The following UTP18 variants were observed in gnomAD, a reference collection of about 807,000 sequenced individuals.
The protein encoded by UTP18 is U3 small nucleolar RNA-associated protein 18 homolog.
In UTP18, 36 loss-of-function variants were observed where a neutral mutation model predicts 61.1. The observed-to-expected ratio is 0.59, with a 90% CI of 0.45 to 0.78. UTP18 has a LOEUF of 0.78. Among genes scored for constraint, UTP18 ranks in the 30% least tolerant of loss-of-function variants. The pLI, the probability that UTP18 is intolerant of heterozygous loss-of-function variation, is 0.00. For missense variants in UTP18, 753 were observed against 693.9 expected, an observed-to-expected ratio of 1.09 and a Z score of -0.96; for synonymous variants, 282 against 251.1, an observed-to-expected ratio of 1.12 and a Z score of -1.16.
At chr17:51,282,931 C>T (rs1201629171) in intron 9 of UTP18, among the ~76,000 whole-genome samples, 7 of 141,154 alleles carry the variant, frequency 5.0e-5, no homozygotes, top group African/African-American at 7.8e-5. Context: ...TGCAGTGGCA[C>T]GATCTCGGCT....
intron 11 of UTP18, among the ~76,000 whole-genome samples, chr17:51,291,623 T>C (rs1367200543): frequency 6.6e-6 from 1 of 151,666 alleles, no homozygotes; most frequent in Non-Finnish European, 1.5e-5. Context: ...TAATCCCAGC[T>C]ACTCAGGAGG....
chr17:51,280,326 C>A (rs1411184496), intron 8 of UTP18, 63 bp from the exon 9 acceptor site: 3 of 1,559,638 alleles, frequency 1.9e-6, no homozygotes, highest in Admixed American at 3.5e-5. Context: ...TGTTTTTACT[C>A]TACATTGTGT....
intron 9 of UTP18, among the ~76,000 whole-genome samples, chr17:51,282,961 C>G (rs1378657662): frequency 6.7e-6 from 1 of 149,654 alleles, no homozygotes; most frequent in South Asian, 2.1e-4. Context: ...CTCTGCCTCC[C>G]AAGTTCTAGC....
At chr17:51,261,077 G>A in intron 1 of UTP18, 151 bp downstream of exon 1, 1 of 666,690 alleles carries the variant, frequency 1.5e-6, no homozygotes, top group East Asian at 3.8e-5. Flanking sequence ...GAGGGTCGCA[G>A]CTGCGGGTCC....
In UTP18 at chr17:51,296,789, C is replaced by G. The variant is rs1018564465; in HGVS notation, c.1647-176C>G. The stretch of plus-strand genomic sequence containing the variant: ...TACTCATGTTACCTAAAATCTGAGG[C>G]GTTCAGATCCTCCAGAATGTCAGAT... On this transcript the variant is annotated intron_variant, in intron 12 of 13. Transcript: ENST00000225298. The G allele has an allele frequency of 7.3e-6, 4 of 548,866 alleles. No individual in the cohort carries two copies. In the African/African-American group the frequency reaches 7.9e-5, roughly 11 times the overall value. 34.0% of individuals were successfully genotyped at this position (548,866 alleles called of 1,614,324 possible).
chr17:51,286,985 C>CA (rs913386052), intron 10 of UTP18, among the ~76,000 whole-genome samples: 15 of 148,572 alleles, frequency 1.0e-4, no homozygotes, highest in African/African-American at 3.8e-4. Flanking sequence ...CCTTCCCCCC[C>CA]CGACCCACAG....
At position 51,268,007 on chromosome 17, in the gene UTP18, G is replaced by GTTTTTTTTTTTTTTTTTTT. The variant is rs766635231; in HGVS notation, c.555-824_555-823insTTTTTTTTTTTTTTTTTTT. ...ACCAGTTGTTGTTTTTTTGTTTTTT[G>GTTTTTTTTTTTTTTTTTTT]TTTTTTGTTTTTTTTTTTTTGAGAT... On this transcript the variant is annotated intron_variant, in intron 3 of 13. Coordinates refer to ENST00000225298, the MANE Select transcript of UTP18 (RefSeq NM_016001.3). Among the ~76,000 whole-genome samples the GTTTTTTTTTTTTTTTTTTT allele has an allele frequency of 5.4e-5, 7 of 130,578 alleles. 1 individual carries two copies. Among genetic ancestry groups the GTTTTTTTTTTTTTTTTTTT allele is most frequent in the African/African-American group, 1.8e-4 (6 of 33,022 alleles). The allele number at this position is 130,578 out of a possible 152,430, so 85.7% of individuals were successfully genotyped here. A position where few individuals can be genotyped will look rare whatever the true frequency, so the allele number is the denominator to read the frequency against.
intron 4 of UTP18, among the ~76,000 whole-genome samples, chr17:51,272,193 G>T (rs1381133589): frequency 6.6e-6 from 1 of 151,412 alleles, no homozygotes; most frequent in African/African-American, 2.4e-5. Context: ...CTGCCTCCTG[G>T]GTTCAAGTGA....
At chr17:51,269,359 A>G (rs898451691) in intron 4 of UTP18, among the ~76,000 whole-genome samples, 3 of 148,956 alleles carry the variant, frequency 2.0e-5, no homozygotes, top group African/African-American at 4.9e-5. Context: ...TGTAGGTTTT[A>G]AATTTAACTT....
chr17:51,280,539 C>T (rs1283171056), intron 9 of UTP18, 60 bp downstream of exon 9: 8 of 1,539,660 alleles, frequency 5.2e-6, no homozygotes, highest in Admixed American at 1.7e-5. Flanking sequence ...TTAGGCCAGG[C>T]GCGGTGGCTC....
In UTP18 at chr17:51,277,307, A is replaced by T. The variant is rs187135670; in HGVS notation, c.1012+3A>T. The T allele has an allele frequency of 6.2e-7, 1 of 1,613,716 alleles. No homozygotes were observed. The highest frequency in any genetic ancestry group is 2.2e-5 in the East Asian group (1 of 44,872). ...AATTCCTGTGCATCAAGTGAGAGGT[A>T]AGATTTCTGTTGAATGCACACAACC... On this transcript the variant is annotated splice_donor_region_variant and intron_variant, in intron 7 of 13. Coordinates refer to ENST00000225298, the MANE Select transcript of UTP18 (RefSeq NM_016001.3).
intron 7 of UTP18, among the ~76,000 whole-genome samples, chr17:51,279,506 G>GTTT (rs113252326): frequency 6.7e-6 from 1 of 149,080 alleles, no homozygotes; most frequent in Non-Finnish European, 1.5e-5. Context: ...TTTGTTTTTT[G>GTTT]TTTTTGTTTT....
intron 5 of UTP18, among the ~76,000 whole-genome samples, chr17:51,274,701 C>T (rs1164420591): frequency 6.6e-6 from 1 of 151,822 alleles, no homozygotes; most frequent in Admixed American, 6.6e-5. Context: ...ATCTGCCCGC[C>T]TCAGCTCCCA....
At chr17:51,268,285 C>CA (rs1904372577) in intron 3 of UTP18, among the ~76,000 whole-genome samples, 1 of 152,188 alleles carries the variant, frequency 6.6e-6, no homozygotes, top group African/African-American at 2.4e-5. Context: ...CTTGGCCTCC[C>CA]AAAGTGCTGG....
chr17:51,294,905 T>A (rs1164279427), intron 12 of UTP18, among the ~76,000 whole-genome samples: 3 of 152,244 alleles, frequency 2.0e-5, no homozygotes, highest in Admixed American at 6.5e-5. Context: ...CTAACTGGTG[T>A]GTGATGGTAT....
At chr17:51,286,870 A>C (rs1269445038) in intron 10 of UTP18, among the ~76,000 whole-genome samples, 1 of 152,160 alleles carries the variant, frequency 6.6e-6, no homozygotes, top group African/African-American at 2.4e-5. Context: ...GTACATGTGC[A>C]TAACGTGCAG....
Position 51,273,621 on chromosome 17 carries a change from A to G in UTP18, c.711+171A>G, listed in dbSNP as rs568546105. On this transcript the variant is annotated intron_variant, in intron 5 of 13. Coordinates refer to ENST00000225298, the MANE Select transcript of UTP18 (RefSeq NM_016001.3). ...TTGTTTTTTTTTTTTCCTTTTGCAA[A>G]AAATGTTCTAGAGGTATTATGTTCC... is the stretch of plus-strand genomic sequence containing the variant. Among the ~76,000 whole-genome samples, 13 of 151,526 alleles carry G rather than the reference A, an allele frequency of 8.6e-5. 1 individual carries two copies. In the South Asian group the frequency reaches 2.3e-3, roughly 27 times the overall value.
chr17:51,290,371 G>T (rs1339874738), intron 11 of UTP18, among the ~76,000 whole-genome samples: 1 of 152,122 alleles, frequency 6.6e-6, no homozygotes, highest in Non-Finnish European at 1.5e-5. Context: ...AGCCAAGATC[G>T]TGCCTCTGTA....
At chr17:51,270,583 T>G (rs1904496296) in intron 4 of UTP18, among the ~76,000 whole-genome samples, 1 of 152,170 alleles carries the variant, frequency 6.6e-6, no homozygotes, top group Admixed American at 6.5e-5. Flanking sequence ...AAGGTGATGG[T>G]TTACTTTAGG....
Sources: gnomAD v4.1 joint callset for allele counts (sites outside exome capture counted in the v4.1 genomes callset) on GRCh38, gnomAD v4.1.1 for gene constraint, MANE v1.5 for transcripts, NCBI Gene and HGNC (gene_info 2026-07-23, HGNC 2026-07-21) for gene names.